The following MAP2K5 variants were observed in gnomAD, a reference collection of about 807,000 sequenced individuals.
MAP2K5 encodes dual specificity mitogen-activated protein kinase kinase 5.
Under a neutral mutation model 83.1 loss-of-function variants are expected in MAP2K5, and 49 were observed. The observed-to-expected ratio is 0.59, with a 90% CI of 0.47 to 0.75. MAP2K5 has a LOEUF of 0.75. Ranked by LOEUF, MAP2K5 falls within the 30% of genes least tolerant of loss-of-function variation. The pLI, the probability that MAP2K5 is intolerant of heterozygous loss-of-function variation, is 0.00. For synonymous variants in MAP2K5, 202 were observed against 191.8 expected (o/e 1.05, Z -0.44); for missense variants, 457 against 557.5 (o/e 0.82, Z 1.82).
At chr15:67,756,771 G>A (rs1023021653) in intron 19 of MAP2K5, among the ~76,000 whole-genome samples, 2 of 151,892 alleles carry the variant, frequency 1.3e-5, no homozygotes, top group Non-Finnish European at 2.9e-5. Flanking sequence ...TACATATTAA[G>A]TGAGATCATG....
In MAP2K5 at chr15:67,652,759, C is replaced by G. The variant is rs970756950; in HGVS notation, c.737-5794C>G. On this transcript the variant is annotated intron_variant, in intron 11 of 21. Coordinates refer to ENST00000178640, the MANE Select transcript of MAP2K5 (RefSeq NM_145160.3). This position sits in a 1 kb window ranked among gnomAD's most constrained non-coding sequence, Gnocchi z 4.2. ...GCAGAACTCTTTTTGTCTTGCAAAA[C>G]TGAAACTCTATACCTATTAAATAAG... Among the ~76,000 whole-genome samples, 1 of 152,152 alleles carries G rather than the reference C, an allele frequency of 6.6e-6. No individual in the cohort carries two copies. Among genetic ancestry groups the G allele is most frequent in the Admixed American group, 6.6e-5 (1 of 15,258 alleles).
At position 67,702,029 on chromosome 15, in the gene MAP2K5, T is replaced by C. The variant is rs2088433318; in HGVS notation, c.973-1308T>C. 6.6e-6 allele frequency among the ~76,000 whole-genome samples: 1 copy of C among 152,174 alleles called. No individual in the cohort carries two copies. Among genetic ancestry groups the C allele is most frequent in the South Asian group, 2.1e-4 (1 of 4,826 alleles). On this transcript the variant is annotated intron_variant, in intron 15 of 21. Transcript: ENST00000178640. The surrounding 1 kb of genome is among the most constrained non-coding windows in gnomAD (Gnocchi z 4.6). Reference sequence around the variant, plus strand: ...TTTTACATTTGTAAACTGAGGGCAATAATACCTACTTTTGCAAAATCATTA... The same window carrying C: ...TTTTACATTTGTAAACTGAGGGCAACAATACCTACTTTTGCAAAATCATTA...
intron 11 of MAP2K5, among the ~76,000 whole-genome samples, chr15:67,658,123 C>T (rs542945392): frequency 1.4e-4 from 22 of 152,108 alleles, no homozygotes; most frequent in Admixed American, 3.9e-4. Flanking sequence ...CGTAGTGGTT[C>T]TCTGCATATA....
intron 13 of MAP2K5, 105 bp downstream of exon 13, chr15:67,664,750 A>AT: frequency 4.6e-6 from 3 of 654,582 alleles, no homozygotes; most frequent in South Asian, 2.2e-5. Context: ...GCCAGCTGAT[A>AT]CATCTGGTAC....
At chr15:67,728,833 G>A (rs1707703451) in intron 17 of MAP2K5, among the ~76,000 whole-genome samples, 1 of 152,222 alleles carries the variant, frequency 6.6e-6, no homozygotes, top group Admixed American at 6.5e-5. Context: ...CACAAACATG[G>A]TTATTGAATA....
At chr15:67,721,081 T>C (rs1402958421) in intron 16 of MAP2K5, among the ~76,000 whole-genome samples, 2 of 152,252 alleles carry the variant, frequency 1.3e-5, no homozygotes, top group Admixed American at 6.5e-5. Context: ...TCTACTGTAA[T>C]AAGCCCATTT....
rs762079821 is a variant in MAP2K5, at chr15:67,748,249, T to C, written c.1093T>C (p.Ser365Pro). The C allele has an allele frequency of 1.2e-6, 2 of 1,608,240 alleles. No individual in the cohort carries two copies. Among genetic ancestry groups the C allele is most frequent in the African/African-American group, 1.3e-5 (1 of 74,950 alleles). The change falls in exon 18 of 22, where the codon TCT becomes CCT. Residue 365 changes from serine to proline, a missense_variant. This residue lies in a region of MAP2K5 where 168 missense variants were observed against 263.0 expected (regional missense o/e 0.64). Coordinates refer to ENST00000178640, the MANE Select transcript of MAP2K5 (RefSeq NM_145160.3). This position sits in a 1 kb window ranked among gnomAD's most constrained non-coding sequence, Gnocchi z 4.0. ...TTTTCAGATTCAGAAAAACCAGGGA[T>C]CTTTAATGGTAAGCTTTATGAGTTC... ...PYPQIQKNQG[S>P]LMPLQLLQCI...
rs933234623 is a variant in MAP2K5, at chr15:67,690,961, G to A, written c.848-1518G>A. On this transcript the variant is annotated intron_variant, in intron 13 of 21. Transcript: ENST00000178640. This position sits in a 1 kb window ranked among gnomAD's most constrained non-coding sequence, Gnocchi z 4.3. The stretch of plus-strand genomic sequence containing the variant: ...ACCCTGTGAACTTATTTATTTCTTG[G>A]GGCGATGATACCGATAAAAAGAGCT... Among the ~76,000 whole-genome samples, 4 of 152,060 alleles carry A rather than the reference G, an allele frequency of 2.6e-5. No homozygotes were observed. Among genetic ancestry groups the A allele is most frequent in the Admixed American group, 6.6e-5 (1 of 15,266 alleles).
In MAP2K5 at chr15:67,721,829, G is replaced by A. The variant is rs367992728; in HGVS notation, c.1045-6087G>A. 5.9e-5 allele frequency among the ~76,000 whole-genome samples: 9 copies of A among 152,172 alleles called. No homozygotes were observed. The East Asian group carries it at 7.7e-4, about 13-fold the overall frequency. ...TTTCTTCATCACTTTTAATGATGGT[G>A]TCTTTGAATTTCCTTAAATAGACAC... On this transcript the variant is annotated intron_variant, in intron 16 of 21. Coordinates refer to ENST00000178640, the MANE Select transcript of MAP2K5 (RefSeq NM_145160.3).
chr15:67,685,091 C>T (rs1285060747), intron 13 of MAP2K5, among the ~76,000 whole-genome samples: 2 of 152,132 alleles, frequency 1.3e-5, no homozygotes, highest in Non-Finnish European at 2.9e-5. Flanking sequence ...TGTAAGTCCA[C>T]AGATCTAAGA....
intron 3 of MAP2K5, among the ~76,000 whole-genome samples, chr15:67,571,586 T>C (rs2084947872): frequency 6.7e-6 from 1 of 150,324 alleles, no homozygotes; most frequent in Admixed American, 6.6e-5. Flanking sequence ...CAAGGCACCA[T>C]TTCCTATTTC....
At position 67,552,718 on chromosome 15, in the gene MAP2K5, T is replaced by G. The variant is rs937672859; in HGVS notation, c.184+2636T>G. Among the ~76,000 whole-genome samples, 5 of 152,176 alleles carry G rather than the reference T, an allele frequency of 3.3e-5. No individual in the cohort carries two copies. The highest frequency in any genetic ancestry group is 1.2e-4 in the African/African-American group (5 of 41,448). Reference sequence around the variant, plus strand: ...TTTCAAAGTGCTGGGATTACAGGTGTGAGCCACTGTACCCACGAAGTACTT... The same window carrying G: ...TTTCAAAGTGCTGGGATTACAGGTGGGAGCCACTGTACCCACGAAGTACTT... On this transcript the variant is annotated intron_variant, in intron 2 of 21. Coordinates refer to ENST00000178640, the MANE Select transcript of MAP2K5 (RefSeq NM_145160.3). This position sits in a 1 kb window ranked among gnomAD's most constrained non-coding sequence, Gnocchi z 4.2.
At chr15:67,663,417 A>C (rs747892885) in intron 12 of MAP2K5, among the ~76,000 whole-genome samples, 2 of 152,054 alleles carry the variant, frequency 1.3e-5, no homozygotes, top group Non-Finnish European at 2.9e-5. Flanking sequence ...CAGTACTTTG[A>C]TTATATATTT....
At position 67,587,662 on chromosome 15, in the gene MAP2K5, A is replaced by T. The variant is rs888613363; in HGVS notation, c.431+749A>T. ...ATTTGTCTTTCTATAGCGCCCACTCATAACGTTTTAGTTAAGCCCTCAGAA... is the reference window on the plus strand; with the variant it reads ...ATTTGTCTTTCTATAGCGCCCACTCTTAACGTTTTAGTTAAGCCCTCAGAA... On this transcript the variant is annotated intron_variant, in intron 6 of 21. Transcript: ENST00000178640. This position sits in a 1 kb window ranked among gnomAD's most constrained non-coding sequence, Gnocchi z 4.8. Among the ~76,000 whole-genome samples, 5 of 152,162 alleles carry T rather than the reference A, an allele frequency of 3.3e-5. No individual in the cohort carries two copies. Among genetic ancestry groups the T allele is most frequent in the Non-Finnish European group, 2.9e-5 (2 of 68,030 alleles).
Position 67,636,402 on chromosome 15 carries a change from C to T in MAP2K5, c.585+5475C>T, listed in dbSNP as rs1216306457. 4.1e-5 allele frequency among the ~76,000 whole-genome samples: 6 copies of T among 147,964 alleles called. No homozygotes were observed. The highest frequency in any genetic ancestry group is 7.5e-5 in the African/African-American group (3 of 40,148). ...CAGCCTGGGCAACAGAATAAGACTC[C>T]GTCTCAAAAAAAAAAAAAAAGTATG... On this transcript the variant is annotated intron_variant, in intron 9 of 21. Transcript: ENST00000178640. This position sits in a 1 kb window ranked among gnomAD's most constrained non-coding sequence, Gnocchi z 4.7.
intron 21 of MAP2K5, among the ~76,000 whole-genome samples, chr15:67,776,457 AGCCAGCCCCTT>A (rs977930835): frequency 6.6e-6 from 1 of 152,170 alleles, no homozygotes; most frequent in Non-Finnish European, 1.5e-5. Context: ...TGTGGGAAAA[AGCCAGCCCCTT>A]GCCAGTCAGA....
At chr15:67,788,911 G>T (rs2090464552) in intron 21 of MAP2K5, among the ~76,000 whole-genome samples, 1 of 150,880 alleles carries the variant, frequency 6.6e-6, no homozygotes, top group African/African-American at 2.4e-5. Context: ...GGTAGAGGAT[G>T]CAGTGAGCCA....
At chr15:67,686,278 A>G (rs921684112) in intron 13 of MAP2K5, among the ~76,000 whole-genome samples, 2 of 152,156 alleles carry the variant, frequency 1.3e-5, no homozygotes, top group African/African-American at 4.8e-5. Flanking sequence ...TGACAGATAT[A>G]TCATCCAACA....
At chr15:67,737,908 G>A (rs1186877082) in intron 17 of MAP2K5, among the ~76,000 whole-genome samples, 3 of 145,412 alleles carry the variant, frequency 2.1e-5, no homozygotes, top group Non-Finnish European at 3.0e-5. Flanking sequence ...CTGGAGTGGA[G>A]TGGCATGATC....
Sources: gnomAD v4.1 joint callset for allele counts (sites outside exome capture counted in the v4.1 genomes callset) on GRCh38, gnomAD v4.1.1 for gene constraint, gnomAD v4.1.1 regional missense constraint, Gnocchi (gnomAD v3.1) non-coding constraint, MANE v1.5 for transcripts, NCBI Gene and HGNC (gene_info 2026-07-23, HGNC 2026-07-21) for gene names.